FHIT: variants seen among roughly 807,000 people sequenced by gnomAD.
FHIT encodes the protein fragile histidine triad diadenosine triphosphatase.
A neutral mutation model predicts 17.9 loss-of-function variants in FHIT; 19 were observed. The ratio of observed to expected loss-of-function variants is 1.06; its 90% CI spans 0.74 to 1.56. The LOEUF (loss-of-function observed/expected upper bound fraction) is 1.56. Among genes scored for constraint, FHIT ranks in the 40% most tolerant of loss-of-function variants. The pLI is 0.00. For missense variants in FHIT, 248 were observed against 189.2 expected (o/e 1.31, Z -1.82); for synonymous variants, 81 against 69.7 (o/e 1.16, Z -0.81).
intron 3 of FHIT, among the ~76,000 whole-genome samples, chr3:60,990,175 G>A (rs1575805025): frequency 6.6e-6 from 1 of 152,022 alleles, no homozygotes; most frequent in African/African-American, 2.4e-5. Flanking sequence ...GTTTGCCTGG[G>A]GACCAGGAAA....
intron 4 of FHIT, among the ~76,000 whole-genome samples, chr3:60,677,732 G>A (rs1183364818): frequency 6.6e-6 from 1 of 152,078 alleles, no homozygotes; most frequent in Non-Finnish European, 1.5e-5. Context: ...AAGAGTTTCA[G>A]TAGGATGAGT....
intron 5 of FHIT, among the ~76,000 whole-genome samples, chr3:60,518,329 T>A (rs1208202924): frequency 6.6e-6 from 1 of 152,198 alleles, no homozygotes; most frequent in Non-Finnish European, 1.5e-5. Flanking sequence ...GCAAAGCACC[T>A]TCATAGGTAA....
chr3:59,951,721 G>T (rs990640084), intron 7 of FHIT, among the ~76,000 whole-genome samples: 4 of 149,708 alleles, frequency 2.7e-5, no homozygotes, highest in African/African-American at 9.7e-5. Flanking sequence ...CCTCCCCACT[G>T]CTGGGATCAA....
intron 4 of FHIT, 49 bp from the exon 5 acceptor site, chr3:60,537,028 G>A (rs2036009637): frequency 6.6e-7 from 1 of 1,518,342 alleles, no homozygotes; most frequent in Non-Finnish European, 8.9e-7. Context: ...AAGAAACTCA[G>A]TTCATATACC....
chr3:59,886,339 A>G (rs916178753), intron 8 of FHIT: 3 of 152,198 alleles, frequency 2.0e-5, no homozygotes, highest in Non-Finnish European at 2.9e-5. Context: ...AGGACCAACT[A>G]TTTACTAGAC....
intron 4 of FHIT, among the ~76,000 whole-genome samples, chr3:60,709,559 C>A (rs4393862): frequency 0.064 from 9,810 of 152,212 alleles, 519 homozygotes; most frequent in African/African-American, 0.14. Flanking sequence ...TGAATGGATC[C>A]TTTCCCCATG....
chr3:60,994,746 G>C (rs2030527219), intron 3 of FHIT, among the ~76,000 whole-genome samples: 1 of 152,114 alleles, frequency 6.6e-6, no homozygotes, highest in East Asian at 1.9e-4. Flanking sequence ...AAGATGGATA[G>C]ATGCAAGTGT....
chr3:60,181,330 G>C (rs956812717), intron 5 of FHIT, among the ~76,000 whole-genome samples: 1 of 151,890 alleles, frequency 6.6e-6, no homozygotes, highest in African/African-American at 2.4e-5. Flanking sequence ...GTTTTTAGTA[G>C]ATACGGTGTT....
At chr3:61,064,147 A>T (rs908492833) in intron 2 of FHIT, among the ~76,000 whole-genome samples, 2 of 152,192 alleles carry the variant, frequency 1.3e-5, no homozygotes, top group African/African-American at 2.4e-5. Context: ...GATGGGATGC[A>T]TGTGTGACTC....
At chr3:60,279,361 G>T (rs780288622) in intron 5 of FHIT, among the ~76,000 whole-genome samples, 1 of 151,784 alleles carries the variant, frequency 6.6e-6, no homozygotes, top group African/African-American at 2.4e-5. Context: ...ATCTGAATAG[G>T]TCTATTCAGG....
At chr3:60,535,179 G>T (rs2035936713) in intron 5 of FHIT, among the ~76,000 whole-genome samples, 1 of 152,172 alleles carries the variant, frequency 6.6e-6, no homozygotes, top group Non-Finnish European at 1.5e-5. Flanking sequence ...AGCCAAGATT[G>T]TGCCACTGCA....
intron 5 of FHIT, among the ~76,000 whole-genome samples, chr3:60,049,088 T>C (rs562047187): frequency 1.3e-5 from 2 of 152,306 alleles, no homozygotes; most frequent in African/African-American, 4.8e-5. Flanking sequence ...CCTCACCCTA[T>C]AGACATAGGC....
At chr3:60,154,043 G>A (rs1245519309) in intron 5 of FHIT, among the ~76,000 whole-genome samples, 1 of 152,188 alleles carries the variant, frequency 6.6e-6, no homozygotes, top group Non-Finnish European at 1.5e-5. Context: ...GGAGAATAAC[G>A]AAGGCACCTT....
chr3:60,059,996 G>C (rs1394968189), intron 5 of FHIT, among the ~76,000 whole-genome samples: 2 of 151,726 alleles, frequency 1.3e-5, no homozygotes, highest in South Asian at 4.2e-4. Flanking sequence ...TTTTTGTTTT[G>C]TTTTGTTTTC....
chr3:60,127,267 C>T lies in FHIT; in HGVS notation c.104-113115G>A, dbSNP rs1324703770. Among the ~76,000 whole-genome samples the T allele has an allele frequency of 2.0e-5, 3 of 152,290 alleles. No homozygotes were observed. In the South Asian group the frequency reaches 6.2e-4, roughly 32 times the overall value. ...CCAACTTTATTAATGAGTACCCAGA[C>T]CTTTAGATAATTGATTTCCACTTTG... On this transcript the variant is annotated intron_variant, in intron 5 of 9. Transcript: ENST00000492590.
chr3:60,779,216 C>T (rs1700304490), intron 4 of FHIT, among the ~76,000 whole-genome samples: 1 of 152,162 alleles, frequency 6.6e-6, no homozygotes, highest in South Asian at 2.1e-4. Context: ...AAAATGAGGA[C>T]TGGAGAGACA....
chr3:59,798,026 G>A (rs1298734600), intron 8 of FHIT, among the ~76,000 whole-genome samples: 1 of 152,150 alleles, frequency 6.6e-6, no homozygotes, highest in East Asian at 1.9e-4. Flanking sequence ...GGGTCCCAAA[G>A]AGGCTGCCCA....
intron 5 of FHIT, among the ~76,000 whole-genome samples, chr3:60,498,022 T>G (rs2034371650): frequency 6.6e-6 from 1 of 152,256 alleles, no homozygotes; most frequent in African/African-American, 2.4e-5. Context: ...GCTACTCATC[T>G]GTGTCACTGT....
At chr3:59,927,965 T>G (rs957042029) in intron 7 of FHIT, among the ~76,000 whole-genome samples, 1 of 152,240 alleles carries the variant, frequency 6.6e-6, no homozygotes, top group Admixed American at 6.5e-5. Flanking sequence ...CCAGTGTGGT[T>G]GTATCGATAT....
Sources: allele counts gnomAD v4.1 joint callset (sites outside exome capture counted in the v4.1 genomes callset), GRCh38; gene constraint gnomAD v4.1.1; transcripts MANE v1.5; gene names NCBI Gene and HGNC (gene_info 2026-07-23, HGNC 2026-07-21).